Variants in BPNT2 observed in about 807,000 individuals in gnomAD.
The protein encoded by BPNT2 is 3'(2'), 5'-bisphosphate nucleotidase 2, also known as Golgi-resident adenosine 3',5'-bisphosphate 3'-phosphatase.
Under a neutral mutation model 29.3 loss-of-function variants are expected in BPNT2, and 11 were observed. The ratio of observed to expected loss-of-function variants is 0.38; its 90% confidence interval spans 0.24 to 0.62. BPNT2 has a LOEUF of 0.62. BPNT2 is among the 20% of genes least tolerant of loss of function. The pLI, the probability that BPNT2 is intolerant of heterozygous loss-of-function variation, is 0.62. For missense variants in BPNT2, 459 were observed against 473.4 expected (o/e 0.97, Z 0.28); for synonymous variants, 195 against 187.7 (o/e 1.04, Z -0.32).
rs756084314 is a variant in BPNT2, at chr8:56,993,636, C to CCCGCCG, written c.-57_-52dup. The CCCGCCG allele has an allele frequency of 7.7e-3, 9,518 of 1,230,190 alleles. 29 individuals are homozygous for CCCGCCG. The highest frequency in any genetic ancestry group is 0.012 in the African/African-American group (724 of 62,936). 76.2% of individuals were successfully genotyped at this position (1,230,190 alleles called of 1,614,324 possible). On this transcript the variant is annotated 5_prime_UTR_variant, in exon 1 of 5. Coordinates refer to ENST00000262644, the MANE Select transcript of BPNT2 (RefSeq NM_017813.5). ...CTGCGGCTCTCACAGGCCTCCAGCG[C>CCCGCCG]CCGCCGCCGCCGCCGCCGCAGCCGC...
intron 3 of BPNT2, among the ~76,000 whole-genome samples, chr8:56,967,410 C>T (rs1022695443): frequency 3.9e-5 from 6 of 152,176 alleles, no homozygotes; most frequent in Admixed American, 1.3e-4. Flanking sequence ...CCAACACAAA[C>T]GTATGAGAAA....
chr8:56,987,566 C>T lies in BPNT2; in HGVS notation c.387+5633G>A, dbSNP rs78991347. Among the ~76,000 whole-genome samples the T allele has an allele frequency of 7.6e-3, 1,154 of 152,252 alleles. 11 individuals are homozygous for T. Among genetic ancestry groups the T allele is most frequent in the African/African-American group, 0.023 (951 of 41,544 alleles). On this transcript the variant is annotated intron_variant, in intron 1 of 4. Transcript: ENST00000262644. The stretch of plus-strand genomic sequence containing the variant: ...AGGCCTTTGGACTTGGACTGAATCA[C>T]ATCACTTGCTTTCCTGGGTTTCCAG...
chr8:56,966,153 G>C (rs890585527), intron 4 of BPNT2, 38 bp downstream of exon 4: 4 of 1,609,074 alleles, frequency 2.5e-6, no homozygotes, highest in Middle Eastern at 1.7e-4. Flanking sequence ...ACCATGCCAG[G>C]AACATTCTCC....
At chr8:56,968,908 A>C (rs1037000784) in intron 3 of BPNT2, among the ~76,000 whole-genome samples, 7 of 152,236 alleles carry the variant, frequency 4.6e-5, no homozygotes, top group Admixed American at 1.3e-4. Context: ...CTGAGGTCAT[A>C]GTGGAGTAAG....
In BPNT2 at chr8:56,973,266, C is replaced by T. The variant is rs539707262; in HGVS notation, c.646+4784G>A. Among the ~76,000 whole-genome samples the T allele has an allele frequency of 8.5e-5, 13 of 152,168 alleles. No individual in the cohort carries two copies. In the South Asian group the frequency reaches 2.7e-3, roughly 32 times the overall value. On this transcript the variant is annotated intron_variant, in intron 3 of 4. Transcript: ENST00000262644. The stretch of plus-strand genomic sequence containing the variant: ...CAAGTGATTTACTTGCCCCCAAACA[C>T]TACGTCTCTAATCCAGCCTCTAGAG...
intron 3 of BPNT2, among the ~76,000 whole-genome samples, chr8:56,968,306 A>G (rs186456570): frequency 5.9e-4 from 89 of 152,134 alleles, no homozygotes; most frequent in Middle Eastern, 6.8e-3. Context: ...GACTTCTCCA[A>G]AAGTATAGCA....
chr8:56,961,317 G>A lies in BPNT2; in HGVS notation c.*2476C>T, dbSNP rs1283680578. On this transcript the variant is annotated 3_prime_UTR_variant, in exon 5 of 5. Transcript: ENST00000262644. ...CTCATTCATGAAGGTGTTTTACTAG[G>A]ATGCTATGGCACAATGTCTTGTGTA... The A allele has an allele frequency of 6.6e-6, 1 of 152,082 alleles. No homozygotes were observed. The highest frequency in any genetic ancestry group is 2.4e-5 in the African/African-American group (1 of 41,394). The allele number at this position is 152,082 out of a possible 1,614,324, so 9.4% of individuals were successfully genotyped here.
chr8:56,986,154 G>C (rs1363992128), intron 1 of BPNT2, among the ~76,000 whole-genome samples: 2 of 152,134 alleles, frequency 1.3e-5, no homozygotes, highest in Non-Finnish European at 1.5e-5. Flanking sequence ...ATACTCCTAA[G>C]TAGTTTAAGA....
intron 3 of BPNT2, among the ~76,000 whole-genome samples, chr8:56,971,695 C>CCATTCACAG (rs958809338): frequency 2.0e-5 from 3 of 151,548 alleles, no homozygotes; most frequent in African/African-American, 7.3e-5. Context: ...ATACGTAGTG[C>CCATTCACAG]CATTCACAGT....
Position 56,980,045 on chromosome 8 carries a change from C to T in BPNT2, c.540G>A (p.Gln180=), listed in dbSNP as rs1343616150. 1.9e-6 allele frequency: 3 copies of T among 1,613,758 alleles called. No individual in the cohort carries two copies. In the South Asian group the frequency reaches 3.3e-5, roughly 18 times the overall value. ...CAGTTTAAAAATTACCTGTATATTCCTGTGTAGCATCAAGTGGGTCAATCC... is the reference window on the plus strand; with the variant it reads ...CAGTTTAAAAATTACCTGTATATTCTTGTGTAGCATCAAGTGGGTCAATCC... ...TVWIDPLDAT[Q]EYTEDLRKYV... The change falls in exon 2 of 5, where the codon CAG becomes CAA. Residue 180 remains glutamine, a synonymous_variant. Coordinates refer to ENST00000262644, the MANE Select transcript of BPNT2 (RefSeq NM_017813.5).
rs918107288 is a variant in BPNT2 at position 56,963,777 on chromosome 8, C to T, written c.*16G>A. 5 of 1,613,874 alleles carry T rather than the reference C, an allele frequency of 3.1e-6. No homozygotes were observed. The African/African-American group carries it at 5.3e-5, about 17-fold the overall frequency. ...CATTTCAGCTGTGAAGAACTGTACC[C>T]TGTAATCAGTTATGCTCATTTATGT... On this transcript the variant is annotated 3_prime_UTR_variant, in exon 5 of 5. Transcript: ENST00000262644.
chr8:56,970,481 G>T (rs544342632), intron 3 of BPNT2, among the ~76,000 whole-genome samples: 8 of 152,250 alleles, frequency 5.3e-5, no homozygotes, highest in African/African-American at 1.7e-4. Flanking sequence ...AATGTCATGG[G>T]GGGCATAAGG....
At chr8:56,973,734 T>C (rs1252188382) in intron 3 of BPNT2, among the ~76,000 whole-genome samples, 3 of 152,152 alleles carry the variant, frequency 2.0e-5, no homozygotes, top group East Asian at 1.9e-4. Flanking sequence ...AGAAAATAAA[T>C]TGATTTTAGA....
chr8:56,984,151 G>A (rs1203216916), intron 1 of BPNT2, among the ~76,000 whole-genome samples: 1 of 152,102 alleles, frequency 6.6e-6, no homozygotes, highest in African/African-American at 2.4e-5. Flanking sequence ...CTGATTTTTT[G>A]CACAATTCAA....
At position 56,993,565 on chromosome 8, in the gene BPNT2, G is replaced by C. The variant is rs1806456546; in HGVS notation, c.21C>G (p.Arg7=). The C allele has an allele frequency of 6.8e-7, 1 of 1,474,308 alleles. No homozygotes were observed. The highest frequency in any genetic ancestry group is 1.3e-5 in the South Asian group (1 of 75,672). 91.3% of individuals were successfully genotyped at this position (1,474,308 alleles called of 1,614,324 possible). Residue 7 remains arginine (R), a synonymous_variant, in exon 1 of 5, where the codon CGC becomes CGG. Coordinates refer to ENST00000262644, the MANE Select transcript of BPNT2 (RefSeq NM_017813.5). ...ACACTGCCACCCCCAGTGGGGAAAG[G>C]CGGATGCCCATGGGGGCCATGGCGT... MAPMGI[R]LSPLGVAVFC...
chr8:56,958,979 T>A lies in BPNT2; in HGVS notation c.*4814A>T, dbSNP rs1805783810. ...TAATGATGACTCACTATGCCTTATT[T>A]CCTATTTTTAAAAACACAGAATGAG... On this transcript the variant is annotated 3_prime_UTR_variant, in exon 5 of 5. Transcript: ENST00000262644. 1 of 152,236 alleles carries A rather than the reference T, an allele frequency of 6.6e-6. No individual in the cohort carries two copies. Among genetic ancestry groups the A allele is most frequent in the African/African-American group, 2.4e-5 (1 of 41,464 alleles). The allele number at this position is 152,236 out of a possible 1,614,324, so 9.4% of individuals were successfully genotyped here.
chr8:56,982,006 T>TA (rs1563410262), intron 1 of BPNT2, among the ~76,000 whole-genome samples: 1 of 152,146 alleles, frequency 6.6e-6, no homozygotes, highest in East Asian at 1.9e-4. Context: ...GACATGATTT[T>TA]AAAAAATATA....
intron 3 of BPNT2, among the ~76,000 whole-genome samples, chr8:56,977,304 G>C (rs1585561948): frequency 6.6e-6 from 1 of 152,146 alleles, no homozygotes; most frequent in Admixed American, 6.5e-5. Flanking sequence ...TTCTTCTGGA[G>C]GCTTTGAGGG....
intron 1 of BPNT2, among the ~76,000 whole-genome samples, chr8:56,982,565 G>A (rs536003141): frequency 7.9e-5 from 12 of 152,306 alleles, no homozygotes; most frequent in African/African-American, 2.9e-4. Flanking sequence ...TGATCAATGT[G>A]AGACAAAAAT....
Sources: gnomAD v4.1 joint callset for allele counts (sites outside exome capture counted in the v4.1 genomes callset) on GRCh38, gnomAD v4.1.1 for gene constraint, MANE v1.5 for transcripts, NCBI Gene and HGNC (gene_info 2026-07-23, HGNC 2026-07-21) for gene names.